The following ANKRD11 variants were observed in gnomAD, a reference collection of about 807,000 sequenced individuals.
The protein encoded by ANKRD11 is ankyrin repeat domain 11.
In ANKRD11, 17 loss-of-function variants were observed where a neutral mutation model predicts 195.7. That is an observed-to-expected ratio of 0.09 (90% CI 0.06 to 0.13). The LOEUF is 0.13. Among genes scored for constraint, ANKRD11 ranks in the 10% least tolerant of loss-of-function variants. ANKRD11 has a pLI of 1.00. For synonymous variants in ANKRD11, 1,953 were observed against 1,528.1 expected, an observed-to-expected ratio of 1.28 and a Z score of -6.49; for missense variants, 3,735 against 3,566.1, an observed-to-expected ratio of 1.05 and a Z score of -1.21.
intron 2 of ANKRD11, among the ~76,000 whole-genome samples, chr16:89,331,362 A>T (rs1407544987): frequency 6.6e-6 from 1 of 152,246 alleles, no homozygotes; most frequent in Non-Finnish European, 1.5e-5. Context: ...TATCTCATGG[A>T]CAGAACAACT....
intron 3 of ANKRD11, among the ~76,000 whole-genome samples, chr16:89,313,809 C>G (rs1160188673): frequency 6.6e-6 from 1 of 152,180 alleles, no homozygotes; most frequent in Non-Finnish European, 1.5e-5. Context: ...CATTCTATTT[C>G]AAGCTACTGT....
At chr16:89,424,257 C>T (rs1396431949) in intron 1 of ANKRD11, among the ~76,000 whole-genome samples, 2 of 152,066 alleles carry the variant, frequency 1.3e-5, no homozygotes, top group Non-Finnish European at 2.9e-5. Flanking sequence ...GCGTGGCCAA[C>T]ATGGAGAAAC....
chr16:89,390,190 G>A (rs1314829098), intron 2 of ANKRD11, among the ~76,000 whole-genome samples: 1 of 118,314 alleles, frequency 8.5e-6, no homozygotes, highest in Non-Finnish European at 1.8e-5. Context: ...CACCGAGAGA[G>A]AAGATCACTG....
Position 89,282,024 on chromosome 16 carries a change from G to T in ANKRD11, c.4518C>A (p.Asp1506Glu). ...HRDEQKPATR[D>E]KDSPPRVLKD... ...TGAGCACGCGGGGCGGGCTGTCCTT[G>T]TCCCTGGTGGCGGGCTTCTGCTCGT... The change falls in exon 9 of 13, where the codon GAC becomes GAA. Residue 1506 changes from aspartate (D) to glutamate (E), a missense_variant. Coordinates refer to ENST00000301030, the MANE Select transcript of ANKRD11 (RefSeq NM_013275.6). 1 of 1,613,498 alleles carries T rather than the reference G, an allele frequency of 6.2e-7. No individual in the cohort carries two copies. The highest frequency in any genetic ancestry group is 8.5e-7 in the Non-Finnish European group (1 of 1,180,012).
At chr16:89,375,353 C>T (rs2040376168) in intron 2 of ANKRD11, among the ~76,000 whole-genome samples, 1 of 152,226 alleles carries the variant, frequency 6.6e-6, no homozygotes, top group African/African-American at 2.4e-5. Flanking sequence ...ACTCAGAAGG[C>T]TGAGATAAAT....
intron 1 of ANKRD11, among the ~76,000 whole-genome samples, chr16:89,475,193 G>C (rs1478786018): frequency 6.6e-6 from 1 of 152,172 alleles, no homozygotes; most frequent in Admixed American, 6.5e-5. Flanking sequence ...CTAACTCACA[G>C]GTAGGAAAAA....
intron 1 of ANKRD11, among the ~76,000 whole-genome samples, chr16:89,452,615 A>G (rs1441789610): frequency 2.0e-5 from 3 of 152,068 alleles, no homozygotes; most frequent in East Asian, 1.9e-4. Context: ...CATCTCTACT[A>G]AAAATACAAA....
At chr16:89,419,010 C>G (rs1236170954) in intron 1 of ANKRD11, among the ~76,000 whole-genome samples, 2 of 152,084 alleles carry the variant, frequency 1.3e-5, no homozygotes, top group Non-Finnish European at 2.9e-5. Flanking sequence ...GCGTCAGCCA[C>G]CATGCCCAGC....
intron 2 of ANKRD11, among the ~76,000 whole-genome samples, chr16:89,411,819 T>G (rs2042120687): frequency 6.6e-6 from 1 of 152,160 alleles, no homozygotes; most frequent in African/African-American, 2.4e-5. Flanking sequence ...AAAAAGAGAC[T>G]AGAATTCTCA....
intron 3 of ANKRD11, among the ~76,000 whole-genome samples, chr16:89,313,842 G>T (rs1461388840): frequency 6.6e-6 from 1 of 152,172 alleles, no homozygotes; most frequent in Non-Finnish European, 1.5e-5. Flanking sequence ...AGCTCCACCA[G>T]GCCTGAGAGC....
rs762062403 is a variant in ANKRD11 at position 89,305,201 on chromosome 16, G to A, written c.226+5C>T. 5 of 1,611,386 alleles carry A rather than the reference G, an allele frequency of 3.1e-6. No individual in the cohort carries two copies. The African/African-American group carries it at 6.7e-5, about 22-fold the overall frequency. On this transcript the variant is annotated splice_donor_5th_base_variant and intron_variant, in intron 4 of 12. Coordinates refer to ENST00000301030, the MANE Select transcript of ANKRD11 (RefSeq NM_013275.6). The stretch of plus-strand genomic sequence containing the variant: ...CTGACTGCAGGAGGGGCCGCGGGCT[G>A]GTACCTGTGTCCGAGTCCTTCTGCT...
In ANKRD11 at chr16:89,386,021, G is replaced by A. The variant is rs560289142; in HGVS notation, c.-60+32263C>T. Among the ~76,000 whole-genome samples, 15 of 152,350 alleles carry A rather than the reference G, an allele frequency of 9.8e-5. 1 individual carries two copies. Among genetic ancestry groups the A allele is most frequent in the African/African-American group, 2.9e-4 (12 of 41,590 alleles). On this transcript the variant is annotated intron_variant, in intron 2 of 12. Transcript: ENST00000301030. ...CAGCCTCCCAGGTAGCTGGGACCAC[G>A]GGTGTGCGCCGCCATGCCCGCAAAC...
rs1269976176 is a variant in ANKRD11 at position 89,282,822 on chromosome 16, C to A, written c.3720G>T (p.Glu1240Asp). The A allele has an allele frequency of 6.2e-7, 1 of 1,611,234 alleles. No homozygotes were observed. The highest frequency in any genetic ancestry group is 1.3e-5 in the African/African-American group (1 of 74,890). ...CGGCAGCGTGCTTCTTTTCAGCCTT[C>A]TCGGGGAGCTTCTGTTTATTTTTCT... is the stretch of plus-strand genomic sequence containing the variant. ...QDKKNKQKLP[E>D]KAEKKHAAED... is the part of the protein sequence containing the mutation. The change falls in exon 9 of 13, where the codon GAG becomes GAT. Residue 1240 changes from glutamate (E) to aspartate (D), a missense_variant. By Grantham distance (45) the Glu-to-Asp change is conservative (BLOSUM62 2). Transcript: ENST00000301030.
chr16:89,305,098 A>C, intron 4 of ANKRD11, 108 bp downstream of exon 4: 1 of 1,502,110 alleles, frequency 6.7e-7, no homozygotes, highest in Middle Eastern at 2.5e-4. Flanking sequence ...AGGGTGCTAG[A>C]GTGCGTCCCA....
At chr16:89,396,947 A>G (rs2041463225) in intron 2 of ANKRD11, among the ~76,000 whole-genome samples, 2 of 109,736 alleles carry the variant, frequency 1.8e-5, no homozygotes, top group South Asian at 5.9e-4. Context: ...TCGGTTTCCC[A>G]GAGCACTGGT....
intron 1 of ANKRD11, among the ~76,000 whole-genome samples, chr16:89,465,796 C>T (rs1234549758): frequency 6.6e-6 from 1 of 152,178 alleles, no homozygotes; most frequent in Non-Finnish European, 1.5e-5. Context: ...CTGCAAGCTC[C>T]ACCTCCTGAG....
chr16:89,397,095 T>A (rs902455801), intron 2 of ANKRD11, among the ~76,000 whole-genome samples: 2 of 152,144 alleles, frequency 1.3e-5, no homozygotes, highest in Non-Finnish European at 2.9e-5. Flanking sequence ...TTGGAATTGG[T>A]ATACAGACAT....
rs759897171 is a variant in ANKRD11 at position 89,317,086 on chromosome 16, AGAG to A, written c.-59-11_-59-9del. 3.3e-6 allele frequency: 5 copies of A among 1,509,026 alleles called. No homozygotes were observed. Among genetic ancestry groups the A allele is most frequent in the Non-Finnish European group, 2.7e-6 (3 of 1,106,948 alleles). The allele number at this position is 1,509,026 out of a possible 1,614,324, so 93.5% of individuals were successfully genotyped here. A position where few individuals can be genotyped will look rare whatever the true frequency, so the allele number is the denominator to read the frequency against. ...TTCATCATCAACCGTCTGCTTCAAAAGAGAAGACACACAATTCACTGAATTCAG... is the reference window on the plus strand; with the variant it reads ...TTCATCATCAACCGTCTGCTTCAAAAAAGACACACAATTCACTGAATTCAG... On this transcript the variant is annotated splice_polypyrimidine_tract_variant and intron_variant, in intron 2 of 12. Coordinates refer to ENST00000301030, the MANE Select transcript of ANKRD11 (RefSeq NM_013275.6).
rs1435165813 is a variant in ANKRD11 at position 89,290,997 on chromosome 16, C to CACAGGCCGGGCTCACCT, written c.396_397+15dup. 1.9e-6 allele frequency: 3 copies of CACAGGCCGGGCTCACCT among 1,610,516 alleles called. No homozygotes were observed. Among genetic ancestry groups the CACAGGCCGGGCTCACCT allele is most frequent in the Non-Finnish European group, 2.5e-6 (3 of 1,179,746 alleles). ...CCCCTTCCCTGCGCCAGGGACCACC[C>CACAGGCCGGGCTCACCT]ACAGGCCGGGCTCACCTGGGCTGTT... On this transcript the variant is annotated intron_variant, in intron 5 of 12. Transcript: ENST00000301030.
Sources: allele counts gnomAD v4.1 joint callset (sites outside exome capture counted in the v4.1 genomes callset), GRCh38; gene constraint gnomAD v4.1.1; transcripts MANE v1.5; gene names NCBI Gene and HGNC (gene_info 2026-07-23, HGNC 2026-07-21).